SUPT3H: variants seen among roughly 807,000 people sequenced by gnomAD.
SUPT3H encodes the protein SPT3 homolog, SAGA and STAGA complex component, also known as transcription initiation protein SPT3 homolog.
A neutral mutation model predicts 44.3 loss-of-function variants in SUPT3H; 44 were observed. The observed-to-expected ratio is 0.99, with a 90% confidence interval of 0.78 to 1.28. SUPT3H has a LOEUF of 1.28. Among genes scored for constraint, SUPT3H ranks in the 50% most tolerant of loss-of-function variants. The pLI is 0.00. For missense variants in SUPT3H, 380 were observed against 387.1 expected, an observed-to-expected ratio of 0.98 and a Z score of 0.15; for synonymous variants, 124 against 125.6, an observed-to-expected ratio of 0.99 and a Z score of 0.09.
intron 2 of SUPT3H, among the ~76,000 whole-genome samples, chr6:45,224,486 T>C (rs1766577160): frequency 6.6e-6 from 1 of 152,142 alleles, no homozygotes; most frequent in African/African-American, 2.4e-5. Flanking sequence ...TTTAAATCTC[T>C]ATATATTACC....
At chr6:45,053,371 C>G (rs769147880) in intron 3 of SUPT3H, among the ~76,000 whole-genome samples, 1 of 151,956 alleles carries the variant, frequency 6.6e-6, no homozygotes, top group Non-Finnish European at 1.5e-5. Context: ...GTGTGGCTAA[C>G]AGAATAGCAA....
chr6:45,305,310 T>G (rs570298161), intron 2 of SUPT3H, among the ~76,000 whole-genome samples: 4 of 152,340 alleles, frequency 2.6e-5, no homozygotes, highest in African/African-American at 9.6e-5. Flanking sequence ...ACTACAATAT[T>G]TATTGCTTCC....
rs1797725394 is a variant in SUPT3H, at chr6:45,095,934, T to C, written c.186+9988A>G. On this transcript the variant is annotated intron_variant, in intron 3 of 10. Coordinates refer to ENST00000371459, the MANE Select transcript of SUPT3H (RefSeq NM_003599.4). The surrounding 1 kb of genome is among the most constrained non-coding windows in gnomAD (Gnocchi z 4.1). ...GTAAATGTGAAATTCTTGGAAATTT[T>C]CTAATCCATTTCTCATCTCAATCAT... Among the ~76,000 whole-genome samples the C allele has an allele frequency of 6.6e-6, 1 of 152,132 alleles. No individual in the cohort carries two copies. Among genetic ancestry groups the C allele is most frequent in the Admixed American group, 6.6e-5 (1 of 15,264 alleles).
intron 2 of SUPT3H, among the ~76,000 whole-genome samples, chr6:45,262,783 G>A (rs1298174185): frequency 6.6e-6 from 1 of 151,782 alleles, no homozygotes; most frequent in African/African-American, 2.4e-5. Context: ...GAATCTAGGA[G>A]GAACTTAATA....
intron 5 of SUPT3H, among the ~76,000 whole-genome samples, chr6:45,009,976 C>T (rs1010327940): frequency 6.5e-5 from 7 of 107,442 alleles, no homozygotes; most frequent in Non-Finnish European, 1.2e-4. Flanking sequence ...AATCCATGAA[C>T]GTAGGATGTC....
intron 10 of SUPT3H, among the ~76,000 whole-genome samples, chr6:44,903,809 A>G (rs781660065): frequency 1.2e-4 from 19 of 152,342 alleles, no homozygotes; most frequent in Non-Finnish European, 2.5e-4. Context: ...CGAATCCAGC[A>G]GCACATCAAA....
chr6:44,987,782 G>T (rs997732866), intron 6 of SUPT3H, among the ~76,000 whole-genome samples: 3 of 152,078 alleles, frequency 2.0e-5, no homozygotes, highest in Admixed American at 2.0e-4. Flanking sequence ...GCGTGTGAAA[G>T]TACTCTTCCG....
chr6:45,347,294 G>GAT (rs892770495), intron 2 of SUPT3H, among the ~76,000 whole-genome samples: 9 of 152,166 alleles, frequency 5.9e-5, no homozygotes, highest in East Asian at 1.9e-4. Context: ...CGATTTCACT[G>GAT]ATATATATAT....
In SUPT3H at chr6:45,003,811, A is replaced by C; in HGVS notation, c.365-19T>G. 1 of 1,612,582 alleles carries C rather than the reference A, an allele frequency of 6.2e-7. No individual in the cohort carries two copies. Among genetic ancestry groups the C allele is most frequent in the Non-Finnish European group, 8.5e-7 (1 of 1,179,466 alleles). Reference sequence around the variant, plus strand: ...AATTTGTCTTCATGAAGTCAAGGGAAAGAAAAAAAGAAATGTTCTCAATAG... The same window carrying C: ...AATTTGTCTTCATGAAGTCAAGGGACAGAAAAAAAGAAATGTTCTCAATAG... On this transcript the variant is annotated intron_variant, in intron 5 of 10. Coordinates refer to ENST00000371459, the MANE Select transcript of SUPT3H (RefSeq NM_003599.4).
At chr6:45,077,666 T>G (rs1343643727) in intron 3 of SUPT3H, among the ~76,000 whole-genome samples, 7 of 63,494 alleles carry the variant, frequency 1.1e-4, no homozygotes, top group Non-Finnish European at 2.4e-4. Flanking sequence ...AAAGTGTTCA[T>G]GAAACAAATC....
intron 2 of SUPT3H, among the ~76,000 whole-genome samples, chr6:45,275,634 A>C (rs1776893973): frequency 6.6e-6 from 1 of 152,132 alleles, no homozygotes; most frequent in Non-Finnish European, 1.5e-5. Context: ...GTGAAATTTA[A>C]ATAAGGCCTG....
intron 2 of SUPT3H, among the ~76,000 whole-genome samples, chr6:45,218,412 A>G (rs1347028163): frequency 6.6e-6 from 1 of 152,194 alleles, no homozygotes; most frequent in Non-Finnish European, 1.5e-5. Flanking sequence ...TGGGGATTTC[A>G]AAAGCCCTAT....
chr6:44,937,004 T>C (rs561059042), intron 9 of SUPT3H, among the ~76,000 whole-genome samples: 1 of 152,276 alleles, frequency 6.6e-6, no homozygotes, highest in African/African-American at 2.4e-5. Context: ...CCATTGTGTA[T>C]ACATGCCACA....
intron 3 of SUPT3H, chr6:45,097,748 T>C (rs2153566616): frequency 6.6e-6 from 1 of 152,320 alleles, no homozygotes; most frequent in Middle Eastern, 3.4e-3. Context: ...TAAAAATATA[T>C]ATACTGTGCA....
chr6:45,194,840 TA>T (rs1447935637), intron 2 of SUPT3H, among the ~76,000 whole-genome samples: 1 of 152,206 alleles, frequency 6.6e-6, no homozygotes, highest in Non-Finnish European at 1.5e-5. Flanking sequence ...AGTATTCATC[TA>T]ATCTCAGAAT....
chr6:44,847,707 C>T (rs1053701121), intron 10 of SUPT3H, among the ~76,000 whole-genome samples: 3 of 152,008 alleles, frequency 2.0e-5, no homozygotes, highest in Admixed American at 6.5e-5. Flanking sequence ...AGGCTGGTCT[C>T]GAACTCCTGA....
At chr6:45,322,899 T>C in intron 2 of SUPT3H, 1 of 1,613,072 alleles carries the variant, frequency 6.2e-7, no homozygotes, top group Non-Finnish European at 8.5e-7. Flanking sequence ...TGAAGAACGT[T>C]GTTCCAAAGA....
chr6:45,101,216 G>A (rs543164376), intron 3 of SUPT3H, among the ~76,000 whole-genome samples: 24 of 152,228 alleles, frequency 1.6e-4, no homozygotes, highest in Middle Eastern at 3.4e-3. Context: ...ACCTGAGGTC[G>A]GGAGTTTGAG....
At chr6:44,981,650 T>C (rs1779104684) in intron 6 of SUPT3H, among the ~76,000 whole-genome samples, 1 of 152,314 alleles carries the variant, frequency 6.6e-6, no homozygotes, top group South Asian at 2.1e-4. Context: ...GTCTCAGTTT[T>C]ACCTCTAACA....
Sources: gnomAD v4.1 joint callset for allele counts (sites outside exome capture counted in the v4.1 genomes callset) on GRCh38, gnomAD v4.1.1 for gene constraint, Gnocchi (gnomAD v3.1) non-coding constraint, MANE v1.5 for transcripts, NCBI Gene and HGNC (gene_info 2026-07-23, HGNC 2026-07-21) for gene names.